The following NRXN3 variants were observed in gnomAD, a reference collection of about 807,000 sequenced individuals.
NRXN3 encodes the protein neurexin 3.
A neutral mutation model predicts 137.6 loss-of-function variants in NRXN3; 32 were observed. The ratio of observed to expected loss-of-function variants is 0.23; its 90% CI spans 0.18 to 0.31. The LOEUF (loss-of-function observed/expected upper bound fraction) is 0.31. NRXN3 is among the 10% of genes least tolerant of loss of function. NRXN3 has a pLI of 1.00. For synonymous variants in NRXN3, 798 were observed against 784.5 expected, an observed-to-expected ratio of 1.02 and a Z score of -0.29; for missense variants, 1,574 against 2,062.5, an observed-to-expected ratio of 0.76 and a Z score of 4.59.
At chr14:78,790,523 A>G (rs1158888064) in intron 8 of NRXN3, among the ~76,000 whole-genome samples, 2 of 152,162 alleles carry the variant, frequency 1.3e-5, no homozygotes, top group African/African-American at 4.8e-5. Flanking sequence ...CAAAATACAG[A>G]TTTAGAACCT....
chr14:78,947,053 A>G (rs2099366790), intron 10 of NRXN3, among the ~76,000 whole-genome samples: 1 of 152,152 alleles, frequency 6.6e-6, no homozygotes, highest in African/African-American at 2.4e-5. Context: ...GACAAATCTC[A>G]TCATCTTAGT....
chr14:79,240,746 G>A (rs529609128), intron 15 of NRXN3, among the ~76,000 whole-genome samples: 19 of 151,668 alleles, frequency 1.3e-4, no homozygotes, highest in Admixed American at 8.6e-4. Flanking sequence ...TCATCCCACC[G>A]CAGATAAAAC....
At chr14:79,834,345 T>C (rs1358001593) in intron 20 of NRXN3, among the ~76,000 whole-genome samples, 1 of 152,098 alleles carries the variant, frequency 6.6e-6, no homozygotes, top group Non-Finnish European at 1.5e-5. Flanking sequence ...CGATAACAGA[T>C]TTTCAAGTAC....
chr14:78,680,015 T>A (rs2098056978), intron 6 of NRXN3, among the ~76,000 whole-genome samples: 1 of 152,146 alleles, frequency 6.6e-6, no homozygotes, highest in Non-Finnish European at 1.5e-5. Context: ...ATCTATAATC[T>A]AAGATTATAT....
intron 6 of NRXN3, among the ~76,000 whole-genome samples, chr14:78,676,426 C>A (rs566326816): frequency 6.6e-6 from 1 of 152,246 alleles, no homozygotes; most frequent in African/African-American, 2.4e-5. Flanking sequence ...AAACCAGCCA[C>A]ACATTTCCTT....
intron 14 of NRXN3, among the ~76,000 whole-genome samples, chr14:78,968,738 A>T (rs1339628926): frequency 6.6e-6 from 1 of 152,260 alleles, no homozygotes; most frequent in East Asian, 1.9e-4. Context: ...TGTAGATGTC[A>T]CTAATTAATA....
chr14:78,673,254 A>G (rs1391235669), intron 6 of NRXN3, among the ~76,000 whole-genome samples: 1 of 152,234 alleles, frequency 6.6e-6, no homozygotes, highest in Non-Finnish European at 1.5e-5. Context: ...TCAAACCTGC[A>G]TGGGCAAGAT....
intron 15 of NRXN3, among the ~76,000 whole-genome samples, chr14:79,275,735 G>T (rs190834204): frequency 1.8e-4 from 27 of 151,604 alleles, no homozygotes; most frequent in Non-Finnish European, 3.8e-4. Context: ...TGAGGATGGG[G>T]GGGGGGACAT....
At chr14:78,327,753 G>A (rs2080279526) in intron 4 of NRXN3, among the ~76,000 whole-genome samples, 1 of 152,136 alleles carries the variant, frequency 6.6e-6, no homozygotes, top group South Asian at 2.1e-4. Context: ...ATCAAAAGAA[G>A]AAGTATATAC....
intron 15 of NRXN3, among the ~76,000 whole-genome samples, chr14:79,008,287 A>G (rs2099558805): frequency 6.6e-6 from 1 of 152,220 alleles, no homozygotes; most frequent in African/African-American, 2.4e-5. Flanking sequence ...TCAAGCAAAC[A>G]TAAAGGACAG....
At chr14:78,859,838 A>G (rs1052376717) in intron 10 of NRXN3, among the ~76,000 whole-genome samples, 1 of 152,164 alleles carries the variant, frequency 6.6e-6, no homozygotes, top group African/African-American at 2.4e-5. Context: ...AGTAGTGAAG[A>G]AGACACAAAG....
chr14:78,745,729 C>T (rs2152937304), intron 8 of NRXN3, among the ~76,000 whole-genome samples: 1 of 152,268 alleles, frequency 6.6e-6, no homozygotes, highest in Non-Finnish European at 1.5e-5. Context: ...GTGAGAGGGG[C>T]ACTTGGTCAG....
At chr14:79,708,169 G>T (rs2098788655) in intron 19 of NRXN3, among the ~76,000 whole-genome samples, 1 of 152,008 alleles carries the variant, frequency 6.6e-6, no homozygotes. Context: ...TTAAAAAATT[G>T]TGTCTGTACT....
intron 3 of NRXN3, chr14:78,279,704 C>A (rs1027811632): frequency 6.6e-6 from 1 of 152,090 alleles, no homozygotes; most frequent in Admixed American, 6.6e-5. Flanking sequence ...CATGCTGGGA[C>A]CTGTAAGTGA....
chr14:78,824,036 GGAGA>G (rs755766701), intron 10 of NRXN3, among the ~76,000 whole-genome samples: 4 of 151,816 alleles, frequency 2.6e-5, no homozygotes, highest in Admixed American at 1.3e-4. Flanking sequence ...CTGTAAAGAG[GGAGA>G]GAGAGTCTGG....
chr14:78,227,888 C>T (rs1042427476), intron 1 of NRXN3, among the ~76,000 whole-genome samples: 11 of 152,098 alleles, frequency 7.2e-5, no homozygotes, highest in African/African-American at 1.9e-4. Context: ...AGGAGGCGAG[C>T]GTGGGCATGT....
intron 15 of NRXN3, among the ~76,000 whole-genome samples, chr14:79,167,477 C>A (rs899412474): frequency 1.3e-5 from 2 of 151,992 alleles, no homozygotes; most frequent in Non-Finnish European, 2.9e-5. Flanking sequence ...GATGGATGAC[C>A]AGCCCACATT....
intron 14 of NRXN3, among the ~76,000 whole-genome samples, chr14:78,977,879 C>T (rs374113503): frequency 3.7e-4 from 57 of 152,260 alleles, no homozygotes; most frequent in African/African-American, 1.3e-3. Context: ...AAAACCAACA[C>T]ATGTTACAAA....
At chr14:78,506,466 GTTTTATTTTTAA>G (rs2095993169) in intron 4 of NRXN3, among the ~76,000 whole-genome samples, 2 of 151,976 alleles carry the variant, frequency 1.3e-5, no homozygotes, top group Admixed American at 1.3e-4. Context: ...TCATATGGTA[GTTTTATTTTTAA>G]TCTTTTGAGT....
Sources: gnomAD v4.1 joint callset for allele counts (sites outside exome capture counted in the v4.1 genomes callset) on GRCh38, gnomAD v4.1.1 for gene constraint, MANE v1.5 for transcripts, NCBI Gene and HGNC (gene_info 2026-07-23, HGNC 2026-07-21) for gene names.